The following ABCA13 variants were observed in gnomAD, a reference collection of about 807,000 sequenced individuals.
ABCA13 encodes the protein ATP-binding cassette sub-family A member 13.
Under a neutral mutation model 478.7 loss-of-function variants are expected in ABCA13, and 476 were observed. The observed-to-expected ratio is 0.99, with a 90% CI of 0.92 to 1.07. The LOEUF is 1.07. Ranked by LOEUF, ABCA13 falls within the 50% of genes least tolerant of loss-of-function variation. The pLI is 0.00. For synonymous variants in ABCA13, 2,252 were observed against 2,158.9 expected, an observed-to-expected ratio of 1.04 and a Z score of -1.20; for missense variants, 6,060 against 5,910.6, an observed-to-expected ratio of 1.03 and a Z score of -0.83.
chr7:48,243,984 T>C (rs116791151), intron 10 of ABCA13, among the ~76,000 whole-genome samples: 177 of 152,348 alleles, frequency 1.2e-3, no homozygotes, highest in African/African-American at 3.9e-3. Flanking sequence ...TTATTCCCAA[T>C]TTCAGGTTCT....
intron 38 of ABCA13, among the ~76,000 whole-genome samples, chr7:48,395,965 C>T (rs1032424406): frequency 2.0e-5 from 3 of 152,122 alleles, no homozygotes; most frequent in African/African-American, 7.2e-5. Flanking sequence ...TAGAGAGAGC[C>T]TATTTGAGAA....
chr7:48,317,604 G>A (rs907948641), intron 27 of ABCA13, among the ~76,000 whole-genome samples: 3 of 152,240 alleles, frequency 2.0e-5, no homozygotes, highest in African/African-American at 7.2e-5. Context: ...ACTGTTTGGA[G>A]TAATTCCAGG....
chr7:48,270,715 G>A (rs1795484648), intron 16 of ABCA13, among the ~76,000 whole-genome samples: 1 of 152,100 alleles, frequency 6.6e-6, no homozygotes, highest in South Asian at 2.1e-4. Flanking sequence ...GAAGTAAACA[G>A]CATTCTTGCC....
chr7:48,449,900 C>T (rs1824779316), intron 42 of ABCA13, among the ~76,000 whole-genome samples: 1 of 152,226 alleles, frequency 6.6e-6, no homozygotes, highest in South Asian at 2.1e-4. Flanking sequence ...ACCCTCCCTA[C>T]CTGTCACAAA....
chr7:48,276,558 G>A lies in ABCA13; in HGVS notation c.6892G>A (p.Glu2298Lys), dbSNP rs751852812. The A allele has an allele frequency of 1.4e-5, 23 of 1,610,684 alleles. 1 individual carries two copies. The South Asian group carries it at 2.5e-4, about 18-fold the overall frequency. The change falls in exon 17 of 62, where the codon GAG (glutamate) becomes AAG (lysine). Residue 2298 changes from glutamate (E) to lysine (K), a missense_variant. This residue lies in a region of ABCA13 where 4,423 missense variants were observed against 4,309.1 expected (regional missense o/e 1.03). Coordinates refer to ENST00000435803, the MANE Select transcript of ABCA13 (RefSeq NM_152701.5). Reference protein sequence around the residue: ...LKYFHKDVIAEMSFVPKDKIL... With the variant: ...LKYFHKDVIAKMSFVPKDKIL... ...ATATTTCCACAAAGATGTTATTGCA[G>A]AGATGAGGTGAGTATACTTTTGCTT... is the stretch of plus-strand genomic sequence containing the variant.
rs76425592 is a variant in ABCA13 at position 48,491,494 on chromosome 7, G to A, written c.13291+2150G>A. 0.013 allele frequency among the ~76,000 whole-genome samples: 1,948 copies of A among 152,274 alleles called. 89 individuals carry two copies. In the East Asian group the frequency reaches 0.16, roughly 12 times the overall value. On this transcript the variant is annotated intron_variant, in intron 48 of 61. Coordinates refer to ENST00000435803, the MANE Select transcript of ABCA13 (RefSeq NM_152701.5). ...CATCCAGAAGAAGTAGAATGCAGACGTTTTGCTGGTGACTTCCAGAGGGCT... is the reference window on the plus strand; with the variant it reads ...CATCCAGAAGAAGTAGAATGCAGACATTTTGCTGGTGACTTCCAGAGGGCT...
intron 50 of ABCA13, 107 bp from the exon 51 acceptor site, chr7:48,510,977 T>C (rs1831628807): frequency 1.1e-6 from 1 of 943,320 alleles, no homozygotes. Context: ...ATGTGCAAAA[T>C]AGGAAATATA....
At chr7:48,422,409 T>C (rs536709843) in intron 41 of ABCA13, among the ~76,000 whole-genome samples, 46 of 152,318 alleles carry the variant, frequency 3.0e-4, no homozygotes, top group African/African-American at 9.4e-4. Context: ...CAAGGTGTTA[T>C]AGGATGTCAC....
chr7:48,472,824 G>A (rs1827650485), intron 45 of ABCA13, among the ~76,000 whole-genome samples: 1 of 152,146 alleles, frequency 6.6e-6, no homozygotes, highest in South Asian at 2.1e-4. Context: ...CTTAGCCTAA[G>A]TTACTCCATA....
At chr7:48,514,036 A>G (rs1831919818) in intron 51 of ABCA13, among the ~76,000 whole-genome samples, 1 of 152,216 alleles carries the variant, frequency 6.6e-6, no homozygotes. Flanking sequence ...AACCTTATGT[A>G]ATAAGTAACT....
intron 31 of ABCA13, among the ~76,000 whole-genome samples, chr7:48,355,846 A>G (rs913051919): frequency 7.9e-5 from 12 of 151,972 alleles, no homozygotes; most frequent in African/African-American, 2.9e-4. Flanking sequence ...GGTTTGGAGG[A>G]TAAGGATAGA....
chr7:48,237,616 C>A (rs1421916674), intron 8 of ABCA13, among the ~76,000 whole-genome samples: 1 of 152,208 alleles, frequency 6.6e-6, no homozygotes, highest in South Asian at 2.1e-4. Flanking sequence ...CCTAGGCCCT[C>A]CCTGGGGTCT....
intron 59 of ABCA13, among the ~76,000 whole-genome samples, chr7:48,628,661 G>C (rs960629194): frequency 6.6e-6 from 1 of 152,140 alleles, no homozygotes; most frequent in African/African-American, 2.4e-5. Context: ...AGAGGTTATT[G>C]TCTATCTCTG....
intron 39 of ABCA13, among the ~76,000 whole-genome samples, chr7:48,410,070 G>A (rs1439166855): frequency 1.4e-5 from 2 of 140,588 alleles, no homozygotes; most frequent in East Asian, 4.3e-4. Context: ...CTCCAGCCTG[G>A]GAGACAGAGC....
At chr7:48,320,784 G>T (rs1325263062) in intron 27 of ABCA13, among the ~76,000 whole-genome samples, 1 of 152,144 alleles carries the variant, frequency 6.6e-6, no homozygotes, top group African/African-American at 2.4e-5. Context: ...GGCTTCTAAG[G>T]GACGTATAAG....
rs1813506928 is a variant in ABCA13, at chr7:48,376,500, G to A, written c.11263G>A (p.Val3755Ile). 1 of 1,613,900 alleles carries A rather than the reference G, an allele frequency of 6.2e-7. No homozygotes were observed. Among genetic ancestry groups the A allele is most frequent in the African/African-American group, 1.3e-5 (1 of 75,036 alleles). ...ACAAGGGGGCATGACATTTGGCTGG[G>A]TTTGCTGGATGATTCTTTTTGATTC... ...LEQGGMTFGW[V>I]CWMILFDSSL... Residue 3755 changes from valine (V) to isoleucine (I), a missense_variant, in exon 35 of 62, where the codon GTT (valine) becomes ATT (isoleucine). Val to Ile is a conservative substitution (Grantham distance 29, BLOSUM62 3). Around this residue, in one of 3 missense-constraint regions of ABCA13, gnomAD observed 10 missense variants for 30.5 expected, o/e 0.33. Coordinates refer to ENST00000435803, the MANE Select transcript of ABCA13 (RefSeq NM_152701.5).
intron 61 of ABCA13, among the ~76,000 whole-genome samples, 192 bp downstream of exon 61, chr7:48,644,946 T>C (rs1795343128): frequency 6.6e-6 from 1 of 152,200 alleles, no homozygotes; most frequent in South Asian, 2.1e-4. Flanking sequence ...CTACTTAAGA[T>C]AGATATTCAG....
At chr7:48,576,423 A>G (rs1231677558) in intron 55 of ABCA13, among the ~76,000 whole-genome samples, 1 of 152,164 alleles carries the variant, frequency 6.6e-6, no homozygotes, top group Non-Finnish European at 1.5e-5. Context: ...ATGTGAAGAC[A>G]GGGGAAAAAT....
intron 27 of ABCA13, among the ~76,000 whole-genome samples, 173 bp from the exon 28 acceptor site, chr7:48,335,249 A>G (rs532159711): frequency 4.8e-4 from 73 of 152,206 alleles, no homozygotes; most frequent in African/African-American, 1.5e-3. Flanking sequence ...GTTTCAGAGG[A>G]CTCACCTGTG....
Sources: allele counts gnomAD v4.1 joint callset (sites outside exome capture counted in the v4.1 genomes callset), GRCh38; gene constraint gnomAD v4.1.1; regional missense constraint gnomAD v4.1.1; transcripts MANE v1.5; gene names NCBI Gene and HGNC (gene_info 2026-07-23, HGNC 2026-07-21).